Variants in CEP89 observed in about 807,000 individuals in gnomAD.
CEP89 encodes centrosomal protein of 89 kDa.
A neutral mutation model predicts 97.6 loss-of-function variants in CEP89; 95 were observed. That is an observed-to-expected ratio of 0.97 (90% CI 0.82 to 1.15). CEP89 has a LOEUF of 1.15. CEP89 is among the 50% of genes most tolerant of loss of function. The pLI is 0.00. For synonymous variants in CEP89, 354 were observed against 349.1 expected (o/e 1.01, Z -0.16); for missense variants, 869 against 947.7 (o/e 0.92, Z 1.09).
In CEP89 at chr19:32,966,404, G is replaced by C. The variant is rs1971284760; in HGVS notation, c.102C>G (p.Arg34=). ...ASVAPKAAVP[R]TPPPRSPNPS... ...GGTTGGGGCTGCGGGGAGGAGGTGT[G>C]CGTGGCACAGCTGCCTTCGGAGCAA... is the stretch of plus-strand genomic sequence containing the variant. The change falls in exon 2 of 19, where the codon CGC becomes CGG. Residue 34 remains arginine, a synonymous_variant. Coordinates refer to ENST00000305768, the MANE Select transcript of CEP89 (RefSeq NM_032816.5). The C allele has an allele frequency of 1.3e-6, 2 of 1,562,996 alleles. No individual in the cohort carries two copies. The highest frequency in any genetic ancestry group is 1.2e-5 in the South Asian group (1 of 84,174).
intron 16 of CEP89, among the ~76,000 whole-genome samples, chr19:32,893,324 T>C (rs1387853038): frequency 6.6e-6 from 1 of 152,076 alleles, no homozygotes; most frequent in Non-Finnish European, 1.5e-5. Context: ...ATAAATTCAA[T>C]AAGAGGACAT....
At chr19:32,879,991 T>C (rs1969247551) in intron 18 of CEP89, among the ~76,000 whole-genome samples, 1 of 152,134 alleles carries the variant, frequency 6.6e-6, no homozygotes, top group South Asian at 2.1e-4. Context: ...TGTGCCGGGA[T>C]GGGGAGGCCC....
chr19:32,932,378 A>G (rs1469836400), intron 8 of CEP89, among the ~76,000 whole-genome samples: 1 of 152,160 alleles, frequency 6.6e-6, no homozygotes, highest in Non-Finnish European at 1.5e-5. Flanking sequence ...GTCTATGTGA[A>G]AAAAACTGAC....
rs111740430 is a variant in CEP89, at chr19:32,876,314, C to A, written c.*2848G>T. The A allele has an allele frequency of 0.036, 5,531 of 152,400 alleles. 297 individuals are homozygous for A. The highest frequency in any genetic ancestry group is 0.12 in the African/African-American group (4,857 of 41,514). 9.4% of individuals were successfully genotyped at this position (152,400 alleles called of 1,614,324 possible). ...TGGCAAAGCCAGCAAGGCTCACTCG[C>A]GTGCCTGGGTCATGTTCTACAGCTG... On this transcript the variant is annotated 3_prime_UTR_variant, in exon 19 of 19. Coordinates refer to ENST00000305768, the MANE Select transcript of CEP89 (RefSeq NM_032816.5).
chr19:32,891,553 T>A (rs531770230), intron 16 of CEP89, among the ~76,000 whole-genome samples: 1 of 152,000 alleles, frequency 6.6e-6, no homozygotes, highest in African/African-American at 2.4e-5. Flanking sequence ...TGAAAAAGAA[T>A]TAAAAATAAT....
At chr19:32,922,414 A>G (rs183672947) in intron 12 of CEP89, among the ~76,000 whole-genome samples, 18 of 152,234 alleles carry the variant, frequency 1.2e-4, no homozygotes, top group Admixed American at 1.1e-3. Flanking sequence ...ATGGTAGCAC[A>G]CACCTGTAGT....
At chr19:32,960,299 C>G (rs1366507518) in intron 2 of CEP89, among the ~76,000 whole-genome samples, 2 of 152,116 alleles carry the variant, frequency 1.3e-5, no homozygotes, top group African/African-American at 4.8e-5. Flanking sequence ...TAAAGATTAC[C>G]TAGCCAATAG....
chr19:32,920,899 G>A (rs573848261), intron 12 of CEP89, among the ~76,000 whole-genome samples: 2 of 151,972 alleles, frequency 1.3e-5, no homozygotes, highest in African/African-American at 4.8e-5. Flanking sequence ...GAAGTTCATT[G>A]AGAAATTACT....
At chr19:32,947,420 A>G (rs1401228197) in intron 5 of CEP89, among the ~76,000 whole-genome samples, 1 of 131,914 alleles carries the variant, frequency 7.6e-6, no homozygotes, top group Non-Finnish European at 1.7e-5. Context: ...AGCCTAGTTA[A>G]CATGGCAAAA....
intron 2 of CEP89, chr19:32,963,997 T>A (rs1971229848): frequency 1.3e-5 from 2 of 150,770 alleles, no homozygotes; most frequent in South Asian, 2.1e-4. Flanking sequence ...CCAAACCAAG[T>A]GTTGGTGAGA....
chr19:32,896,674 A>C (rs1969648892), intron 16 of CEP89, among the ~76,000 whole-genome samples: 1 of 152,160 alleles, frequency 6.6e-6, no homozygotes. Flanking sequence ...TAGAATGAAG[A>C]GACAACCTGT....
chr19:32,944,238 G>C (rs4805020), intron 5 of CEP89, among the ~76,000 whole-genome samples: 4 of 11,276 alleles, frequency 3.5e-4, no homozygotes, highest in African/African-American at 4.3e-4. Context: ...AAAAAAAAAA[G>C]ACTCTTCTTC....
In CEP89 at chr19:32,966,392, G is replaced by C. The variant is rs762530261; in HGVS notation, c.114C>G (p.Pro38=). 5 of 1,558,870 alleles carry C rather than the reference G, an allele frequency of 3.2e-6. No homozygotes were observed. The highest frequency in any genetic ancestry group is 3.5e-6 in the Non-Finnish European group (4 of 1,149,468). The stretch of plus-strand genomic sequence containing the variant: ...TCTCTGGAGATGGGTTGGGGCTGCG[G>C]GGAGGAGGTGTGCGTGGCACAGCTG... ...PKAAVPRTPP[P]RSPNPSPERP... is the part of the protein sequence containing the mutation. The change falls in exon 2 of 19, where the codon CCC becomes CCG. Residue 38 remains proline (P), a synonymous_variant. Transcript: ENST00000305768.
intron 4 of CEP89, among the ~76,000 whole-genome samples, chr19:32,949,261 A>G (rs975420564): frequency 3.3e-5 from 5 of 152,204 alleles, no homozygotes; most frequent in African/African-American, 4.8e-5. Flanking sequence ...GTTGTCCTTT[A>G]GAGAGGCCCA....
intron 7 of CEP89, among the ~76,000 whole-genome samples, chr19:32,934,772 G>A (rs1018768550): frequency 5.9e-5 from 9 of 152,146 alleles, no homozygotes; most frequent in Admixed American, 2.0e-4. Flanking sequence ...GGTGGCTCCA[G>A]GGATACACCT....
chr19:32,950,295 A>G (rs1254572717), intron 4 of CEP89, among the ~76,000 whole-genome samples: 4 of 152,196 alleles, frequency 2.6e-5, no homozygotes, highest in Non-Finnish European at 5.9e-5. Context: ...ATGGTGGCTC[A>G]CATCTATAAT....
intron 13 of CEP89, among the ~76,000 whole-genome samples, chr19:32,916,115 T>C (rs1568558516): frequency 6.6e-6 from 1 of 151,426 alleles, no homozygotes; most frequent in South Asian, 2.1e-4. Context: ...CATCTCTACA[T>C]AAAAATTTAA....
chr19:32,929,808 T>C (rs1970433791), intron 9 of CEP89, among the ~76,000 whole-genome samples: 1 of 152,120 alleles, frequency 6.6e-6, no homozygotes, highest in Non-Finnish European at 1.5e-5. Context: ...ACTTTATTTG[T>C]TTTTGTTTAA....
At position 32,918,318 on chromosome 19, in the gene CEP89, T is replaced by C. The variant is rs1167014902; in HGVS notation, c.1290A>G (p.Ala430=). ...ACTTGTTTTCCTCTAAAACCAGTTT[T>C]GCTTGAGTCTGAAGCTGACGCCTGC... ...SEEWRQLQTQ[A]KLVLEENKLL... Residue 430 remains alanine, a synonymous_variant, in exon 13 of 19, where the codon GCA becomes GCG. Transcript: ENST00000305768. 1.2e-6 allele frequency: 2 copies of C among 1,614,042 alleles called. No individual in the cohort carries two copies. Among genetic ancestry groups the C allele is most frequent in the East Asian group, 4.5e-5 (2 of 44,894 alleles).
Sources: gnomAD v4.1 joint callset for allele counts (sites outside exome capture counted in the v4.1 genomes callset) on GRCh38, gnomAD v4.1.1 for gene constraint, MANE v1.5 for transcripts, NCBI Gene and HGNC (gene_info 2026-07-23, HGNC 2026-07-21) for gene names.